Variants in USP6NL observed in about 807,000 individuals in gnomAD.
USP6NL encodes the protein USP6 N-terminal like.
A neutral mutation model predicts 61.9 loss-of-function variants in USP6NL; 26 were observed. The observed-to-expected ratio is 0.42, with a 90% CI of 0.31 to 0.58. The LOEUF (loss-of-function observed/expected upper bound fraction) is 0.58, where lower values mean the gene tolerates loss of function less well. USP6NL is among the 20% of genes least tolerant of loss of function. USP6NL has a pLI of 0.16. For missense variants in USP6NL, 1,114 were observed against 1,034.3 expected, an observed-to-expected ratio of 1.08 and a Z score of -1.06; for synonymous variants, 432 against 390.1, an observed-to-expected ratio of 1.11 and a Z score of -1.27.
At position 11,532,098 on chromosome 10, in the gene USP6NL, A is replaced by G. The variant is rs1386307615; in HGVS notation, c.5-4531T>C. ...TCATTTCCAATAAAATAAAATTTACAGCAGACCATTTTTCCTAGAGTACAT... is the reference window on the plus strand; with the variant it reads ...TCATTTCCAATAAAATAAAATTTACGGCAGACCATTTTTCCTAGAGTACAT... On this transcript the variant is annotated intron_variant, in intron 2 of 14. Transcript: ENST00000609104. This position sits in a 1 kb window ranked among gnomAD's most constrained non-coding sequence, Gnocchi z 4.1. The G allele has an allele frequency of 3.8e-6, 4 of 1,040,382 alleles. No homozygotes were observed. In the East Asian group the frequency reaches 1.0e-4, roughly 27 times the overall value. 64.4% of individuals were successfully genotyped at this position (1,040,382 alleles called of 1,614,324 possible). A position where few individuals can be genotyped will look rare whatever the true frequency, so the allele number is the denominator to read the frequency against.
intron 1 of USP6NL, among the ~76,000 whole-genome samples, chr10:11,609,189 C>G (rs1323683520): frequency 6.6e-6 from 1 of 152,126 alleles, no homozygotes; most frequent in Non-Finnish European, 1.5e-5. Flanking sequence ...CTCAGCCTCC[C>G]GGGTAGCTGG....
At chr10:11,486,651 G>A (rs1833483137) in intron 10 of USP6NL, among the ~76,000 whole-genome samples, 1 of 152,096 alleles carries the variant, frequency 6.6e-6, no homozygotes, top group South Asian at 2.1e-4. Context: ...ATCCAACCTG[G>A]GTTCCATGCA....
intron 2 of USP6NL, among the ~76,000 whole-genome samples, chr10:11,536,678 A>G (rs1206265758): frequency 6.6e-6 from 1 of 152,168 alleles, no homozygotes; most frequent in Non-Finnish European, 1.5e-5. Flanking sequence ...CTACTTAATC[A>G]TATTTCCATT....
At chr10:11,488,274 A>G (rs1414218817) in intron 10 of USP6NL, among the ~76,000 whole-genome samples, 1 of 152,070 alleles carries the variant, frequency 6.6e-6, no homozygotes, top group African/African-American at 2.4e-5. Context: ...TTAGCCAGGC[A>G]TGGAGGCACA....
intron 8 of USP6NL, among the ~76,000 whole-genome samples, chr10:11,492,495 G>A (rs1198121804): frequency 6.6e-6 from 1 of 152,228 alleles, no homozygotes; most frequent in Non-Finnish European, 1.5e-5. Context: ...TCTGCCTGTG[G>A]CCAGCAGCTT....
intron 2 of USP6NL, among the ~76,000 whole-genome samples, chr10:11,555,865 A>G (rs1836690761): frequency 6.6e-6 from 1 of 152,242 alleles, no homozygotes; most frequent in South Asian, 2.1e-4. Context: ...CACTCTTAAA[A>G]TGCTAAAATA....
Position 11,463,188 on chromosome 10 carries a change from G to C in USP6NL, c.1740C>G (p.Ala580=). 1 of 1,613,568 alleles carries C rather than the reference G, an allele frequency of 6.2e-7. No homozygotes were observed. Among genetic ancestry groups the C allele is most frequent in the Non-Finnish European group, 8.5e-7 (1 of 1,179,878 alleles). The change falls in exon 15 of 15, where the codon GCC becomes GCG. Residue 580 remains alanine, a synonymous_variant. Coordinates refer to ENST00000609104, the MANE Select transcript of USP6NL (RefSeq NM_014688.5). The surrounding 1 kb of genome is among the most constrained non-coding windows in gnomAD (Gnocchi z 6.3). ...GCTTTCTCGGGCTAGGAGGGTAAAGGGCATGCCGGGGGCTCTGGGAGTAAG... is the reference window on the plus strand; with the variant it reads ...GCTTTCTCGGGCTAGGAGGGTAAAGCGCATGCCGGGGGCTCTGGGAGTAAG... ...ERAYSQSPRH[A]LYPPSPRKHA...
At chr10:11,569,476 G>C (rs977135933) in intron 2 of USP6NL, among the ~76,000 whole-genome samples, 2 of 152,190 alleles carry the variant, frequency 1.3e-5, no homozygotes, top group Non-Finnish European at 2.9e-5. Context: ...AATTTTTAAA[G>C]TGTAGTAATA....
In USP6NL at chr10:11,489,275, A is replaced by T. The variant is rs966973004; in HGVS notation, c.544-53T>A. ...TGGGGAGTTCAGTCGAATTACATGCATATGTACAGAGAAAAAGCTACTCTA... is the reference window on the plus strand; with the variant it reads ...TGGGGAGTTCAGTCGAATTACATGCTTATGTACAGAGAAAAAGCTACTCTA... On this transcript the variant is annotated intron_variant, in intron 9 of 14. Transcript: ENST00000609104. The surrounding 1 kb of genome is among the most constrained non-coding windows in gnomAD (Gnocchi z 5.7). 1 of 1,595,922 alleles carries T rather than the reference A, an allele frequency of 6.3e-7. No individual in the cohort carries two copies. The highest frequency in any genetic ancestry group is 2.2e-5 in the East Asian group (1 of 44,528).
rs562423140 is a variant in USP6NL, at chr10:11,592,061, G to A, written c.4+5570C>T. Among the ~76,000 whole-genome samples the A allele has an allele frequency of 8.2e-4, 124 of 152,026 alleles. No individual in the cohort carries two copies. Among genetic ancestry groups the A allele is most frequent in the African/African-American group, 2.9e-3 (120 of 41,442 alleles). ...ATTTTTTAGTATTTTTAGTAGAGAC[G>A]GGGTTTCACCATGTTGGCCAGGCTG... On this transcript the variant is annotated intron_variant, in intron 2 of 14. Coordinates refer to ENST00000609104, the MANE Select transcript of USP6NL (RefSeq NM_014688.5). The surrounding 1 kb of genome is among the most constrained non-coding windows in gnomAD (Gnocchi z 4.7).
In USP6NL at chr10:11,555,181, C is replaced by T. The variant is rs570756795; in HGVS notation, c.5-27614G>A. On this transcript the variant is annotated intron_variant, in intron 2 of 14. Transcript: ENST00000609104. ...CTCTAATCCCAGCACTTTGGGAGGC[C>T]GAGGCAGGTGGATCACCTGAGGTCA... Among the ~76,000 whole-genome samples, 14 of 145,578 alleles carry T rather than the reference C, an allele frequency of 9.6e-5. No homozygotes were observed. In the East Asian group the frequency reaches 2.5e-3, roughly 26 times the overall value.
intron 2 of USP6NL, among the ~76,000 whole-genome samples, chr10:11,549,495 A>G (rs540766991): frequency 3.3e-5 from 5 of 152,200 alleles, no homozygotes; most frequent in South Asian, 4.1e-4. Context: ...TTCACTCCCT[A>G]TTGGTGATAA....
rs1182152359 is a variant in USP6NL, at chr10:11,489,059, T to C, written c.664+43A>G. The C allele has an allele frequency of 6.2e-7, 1 of 1,602,020 alleles. No individual in the cohort carries two copies. Among genetic ancestry groups the C allele is most frequent in the African/African-American group, 1.3e-5 (1 of 74,478 alleles). ...TTTGGTTTTGTTTTAATCTACTTTT[T>C]TCCCTACCTTGATTGTTTAGATAAA... On this transcript the variant is annotated intron_variant, in intron 10 of 14. Coordinates refer to ENST00000609104, the MANE Select transcript of USP6NL (RefSeq NM_014688.5). This position sits in a 1 kb window ranked among gnomAD's most constrained non-coding sequence, Gnocchi z 5.7.
intron 2 of USP6NL, among the ~76,000 whole-genome samples, chr10:11,558,007 C>G (rs1053234524): frequency 6.6e-6 from 1 of 152,186 alleles, no homozygotes; most frequent in Non-Finnish European, 1.5e-5. Flanking sequence ...GTATGACTGT[C>G]AGGCAGCATC....
rs1220857746 is a variant in USP6NL, at chr10:11,496,778, G to A, written c.385-3550C>T. Among the ~76,000 whole-genome samples the A allele has an allele frequency of 6.6e-6, 1 of 152,072 alleles. No homozygotes were observed. Among genetic ancestry groups the A allele is most frequent in the Non-Finnish European group, 1.5e-5 (1 of 68,020 alleles). On this transcript the variant is annotated intron_variant, in intron 7 of 14. Transcript: ENST00000609104. The surrounding 1 kb of genome is among the most constrained non-coding windows in gnomAD (Gnocchi z 5.4). ...GGTTATCTGGGGATGTCTATTATAA[G>A]GCTATCTGGGCATGTCTAGAATAAG...
rs1477397948 is a variant in USP6NL, at chr10:11,611,126, G to A, written c.-84+317C>T. Among the ~76,000 whole-genome samples, 2 of 152,080 alleles carry A rather than the reference G, an allele frequency of 1.3e-5. No homozygotes were observed. The highest frequency in any genetic ancestry group is 6.5e-5 in the Admixed American group (1 of 15,278). On this transcript the variant is annotated intron_variant, in intron 1 of 14. Coordinates refer to ENST00000609104, the MANE Select transcript of USP6NL (RefSeq NM_014688.5). This position sits in a 1 kb window ranked among gnomAD's most constrained non-coding sequence, Gnocchi z 5.3. ...CTTGCGAGGGAGACGCGCCTGGCCG[G>A]GATCGCGGCTCACTCGGGGAGGCAG...
At chr10:11,555,900 AT>A (rs2133510730) in intron 2 of USP6NL, among the ~76,000 whole-genome samples, 1 of 152,358 alleles carries the variant, frequency 6.6e-6, no homozygotes, top group South Asian at 2.1e-4. Flanking sequence ...ATTTCAAGAC[AT>A]TCTGAAAGTT....
In USP6NL at chr10:11,562,377, C is replaced by T. The variant is rs1295658360; in HGVS notation, c.5-34810G>A. 2.0e-6 allele frequency: 2 copies of T among 985,372 alleles called. No homozygotes were observed. Among genetic ancestry groups the T allele is most frequent in the Non-Finnish European group, 2.4e-6 (2 of 829,902 alleles). 61.0% of individuals were successfully genotyped at this position (985,372 alleles called of 1,614,324 possible). Reference sequence around the variant, plus strand: ...GCTTTTGCATTCCTTACACAGGTGACACCAACTTCAGATTTCCCCTTTTCC... The same window carrying T: ...GCTTTTGCATTCCTTACACAGGTGATACCAACTTCAGATTTCCCCTTTTCC... On this transcript the variant is annotated intron_variant, in intron 2 of 14. Coordinates refer to ENST00000609104, the MANE Select transcript of USP6NL (RefSeq NM_014688.5). The surrounding 1 kb of genome is among the most constrained non-coding windows in gnomAD (Gnocchi z 4.8).
At position 11,562,673 on chromosome 10, in the gene USP6NL, G is replaced by A; in HGVS notation, c.4+34958C>T. 4.1e-6 allele frequency: 4 copies of A among 985,386 alleles called. No individual in the cohort carries two copies. The highest frequency in any genetic ancestry group is 4.8e-6 in the Non-Finnish European group (4 of 829,918). The allele number at this position is 985,386 out of a possible 1,614,324, so 61.0% of individuals were successfully genotyped here. On this transcript the variant is annotated intron_variant, in intron 2 of 14. Transcript: ENST00000609104. The surrounding 1 kb of genome is among the most constrained non-coding windows in gnomAD (Gnocchi z 4.8). ...GACACTCAACATTCATATGTTGTTA[G>A]CCACTTGTATTTCTGTAACTTGTCT... is the stretch of plus-strand genomic sequence containing the variant.
Sources: gnomAD v4.1 joint callset for allele counts (sites outside exome capture counted in the v4.1 genomes callset) on GRCh38, gnomAD v4.1.1 for gene constraint, Gnocchi (gnomAD v3.1) non-coding constraint, MANE v1.5 for transcripts, NCBI Gene and HGNC (gene_info 2026-07-23, HGNC 2026-07-21) for gene names.